The following DNER variants were observed in gnomAD, a reference collection of about 807,000 sequenced individuals.
DNER encodes the protein delta and Notch-like epidermal growth factor-related receptor.
A neutral mutation model predicts 78.2 loss-of-function variants in DNER; 33 were observed. The observed-to-expected ratio is 0.42, with a 90% CI of 0.32 to 0.56. The LOEUF is 0.56. Ranked by LOEUF, DNER falls within the 20% of genes least tolerant of loss-of-function variation. DNER has a pLI of 0.11. For missense variants in DNER, 918 were observed against 975.3 expected (o/e 0.94, Z 0.78); for synonymous variants, 417 against 384.8 (o/e 1.08, Z -0.98).
chr2:229,571,684 T>C (rs1697220100), intron 4 of DNER, among the ~76,000 whole-genome samples: 1 of 152,176 alleles, frequency 6.6e-6, no homozygotes. Flanking sequence ...GCAGTTCTTT[T>C]CAGAAAAGAA....
At chr2:229,597,257 A>C (rs1204961109) in intron 1 of DNER, among the ~76,000 whole-genome samples, 1 of 152,174 alleles carries the variant, frequency 6.6e-6, no homozygotes, top group Non-Finnish European at 1.5e-5. Flanking sequence ...TTCTGCCATT[A>C]TTTTCTCTAA....
At chr2:229,579,196 G>A (rs1467242500) in intron 4 of DNER, among the ~76,000 whole-genome samples, 1 of 152,086 alleles carries the variant, frequency 6.6e-6, no homozygotes, top group Non-Finnish European at 1.5e-5. Flanking sequence ...CCCTCCCTCT[G>A]GCAGAGTTAG....
chr2:229,372,026 T>A (rs1692493405), intron 11 of DNER, among the ~76,000 whole-genome samples: 2 of 152,078 alleles, frequency 1.3e-5, no homozygotes. Flanking sequence ...GATTAACAAC[T>A]CTTGTTAATC....
chr2:229,711,950 C>G (rs1459420864), intron 1 of DNER, among the ~76,000 whole-genome samples: 1 of 151,874 alleles, frequency 6.6e-6, no homozygotes, highest in African/African-American at 2.4e-5. Context: ...ACTGCGAGAT[C>G]ATGAACGATT....
chr2:229,605,787 G>A (rs933026985), intron 1 of DNER, among the ~76,000 whole-genome samples: 1 of 152,106 alleles, frequency 6.6e-6, no homozygotes, highest in African/African-American at 2.4e-5. Flanking sequence ...AGCTACTTGA[G>A]GGGCTGAGGA....
intron 1 of DNER, among the ~76,000 whole-genome samples, chr2:229,706,092 G>A (rs1355609532): frequency 6.6e-6 from 1 of 152,154 alleles, no homozygotes; most frequent in Non-Finnish European, 1.5e-5. Flanking sequence ...GGTAGAGGTA[G>A]CCATCAAGAG....
At chr2:229,478,795 A>T (rs1695090462) in intron 6 of DNER, among the ~76,000 whole-genome samples, 1 of 151,174 alleles carries the variant, frequency 6.6e-6, no homozygotes, top group African/African-American at 2.4e-5. Flanking sequence ...GAATCACCCT[A>T]TTTTTTTTTA....
At chr2:229,552,576 C>T (rs1351450745) in intron 4 of DNER, among the ~76,000 whole-genome samples, 5 of 152,094 alleles carry the variant, frequency 3.3e-5, no homozygotes, top group Admixed American at 1.3e-4. Context: ...AGGGGCTTTT[C>T]CCCCTTTTTC....
chr2:229,586,921 G>C (rs1697513456), intron 3 of DNER: 1 of 985,372 alleles, frequency 1.0e-6, no homozygotes, highest in Non-Finnish European at 1.2e-6. Flanking sequence ...AAATTCATGA[G>C]GAAATGAAAG....
intron 10 of DNER, among the ~76,000 whole-genome samples, chr2:229,392,937 A>G (rs566935634): frequency 2.4e-4 from 37 of 152,320 alleles, no homozygotes; most frequent in Non-Finnish European, 4.0e-4. Context: ...AAGTAGGCTC[A>G]CGTGACCCAT....
chr2:229,707,020 GT>G (rs976251849), intron 1 of DNER, among the ~76,000 whole-genome samples: 2 of 151,544 alleles, frequency 1.3e-5, no homozygotes, highest in African/African-American at 2.4e-5. Flanking sequence ...TTTGTTTTGT[GT>G]TTTTTTTCCC....
chr2:229,651,690 A>T (rs1338260624), intron 1 of DNER, among the ~76,000 whole-genome samples: 1 of 152,182 alleles, frequency 6.6e-6, no homozygotes, highest in African/African-American at 2.4e-5. Flanking sequence ...CAGATGGAGG[A>T]TTCTTTTTTT....
intron 5 of DNER, among the ~76,000 whole-genome samples, chr2:229,542,858 A>T (rs1452290854): frequency 3.9e-5 from 6 of 151,958 alleles, no homozygotes; most frequent in Non-Finnish European, 2.9e-5. Context: ...TTTCTCTCCA[A>T]CTTAACAGTG....
At chr2:229,427,672 T>C (rs1429807571) in intron 8 of DNER, among the ~76,000 whole-genome samples, 5 of 151,814 alleles carry the variant, frequency 3.3e-5, no homozygotes, top group Non-Finnish European at 7.4e-5. Flanking sequence ...ATGAGAAAAT[T>C]CAAGGCAGGA....
At chr2:229,442,803 CTT>C (rs1160338707) in intron 8 of DNER, among the ~76,000 whole-genome samples, 2 of 152,056 alleles carry the variant, frequency 1.3e-5, no homozygotes, top group African/African-American at 4.8e-5. Context: ...TCAACTGTGT[CTT>C]TCGGGACATA....
At chr2:229,500,906 T>A (rs1695608004) in intron 6 of DNER, among the ~76,000 whole-genome samples, 2 of 152,114 alleles carry the variant, frequency 1.3e-5, no homozygotes, top group Admixed American at 1.3e-4. Context: ...TGCCTTTGCA[T>A]TCTCATAGAT....
chr2:229,602,232 A>G (rs970272862), intron 1 of DNER, among the ~76,000 whole-genome samples: 9 of 152,334 alleles, frequency 5.9e-5, no homozygotes, highest in Admixed American at 2.6e-4. Flanking sequence ...TTTCCTGTGA[A>G]GATTGTATGA....
rs144903745 is a variant in DNER, at chr2:229,360,486, C to T, written c.2103-1835G>A. Among the ~76,000 whole-genome samples the T allele has an allele frequency of 4.5e-4, 69 of 152,280 alleles. 1 individual carries two copies. The highest frequency in any genetic ancestry group is 1.4e-3 in the African/African-American group (58 of 41,548). On this transcript the variant is annotated intron_variant, in intron 12 of 12. Coordinates refer to ENST00000341772, the MANE Select transcript of DNER (RefSeq NM_139072.4). The stretch of plus-strand genomic sequence containing the variant: ...AGTGCAGTGGCGTGGTCTCGGCTCA[C>T]GCGGCAAGCTCCACCTCCTATGTTC...
intron 8 of DNER, among the ~76,000 whole-genome samples, chr2:229,430,277 A>G (rs1693976360): frequency 6.6e-6 from 1 of 152,214 alleles, no homozygotes; most frequent in Non-Finnish European, 1.5e-5. Context: ...GGGTAATATC[A>G]TCCATGCTGT....
Sources: allele counts gnomAD v4.1 joint callset (sites outside exome capture counted in the v4.1 genomes callset), GRCh38; gene constraint gnomAD v4.1.1; transcripts MANE v1.5; gene names NCBI Gene and HGNC (gene_info 2026-07-23, HGNC 2026-07-21).